Variants in NRCAM observed in about 807,000 individuals in gnomAD.
NRCAM encodes the protein neuronal cell adhesion molecule.
A neutral mutation model predicts 156.5 loss-of-function variants in NRCAM; 83 were observed. The ratio of observed to expected loss-of-function variants is 0.53; its 90% confidence interval spans 0.44 to 0.64. The LOEUF is 0.64. Among genes scored for constraint, NRCAM ranks in the 30% least tolerant of loss-of-function variants. The pLI is 0.00. For synonymous variants in NRCAM, 538 were observed against 563.9 expected (o/e 0.95, Z 0.65); for missense variants, 1,417 against 1,597.3 (o/e 0.89, Z 1.92).
At chr7:108,345,486 T>G (rs551835830) in intron 2 of NRCAM, among the ~76,000 whole-genome samples, 1 of 152,248 alleles carries the variant, frequency 6.6e-6, no homozygotes, top group African/African-American at 2.4e-5. Context: ...AATCTTGCTA[T>G]GAACTCTTTG....
chr7:108,446,262 T>A (rs1272288964), intron 1 of NRCAM, among the ~76,000 whole-genome samples: 1 of 152,212 alleles, frequency 6.6e-6, no homozygotes, highest in East Asian at 1.9e-4. Flanking sequence ...CTCAAGTGCC[T>A]AATTTAGAAC....
chr7:108,356,733 C>T (rs1021702128), intron 2 of NRCAM, among the ~76,000 whole-genome samples: 32 of 152,160 alleles, frequency 2.1e-4, no homozygotes, highest in African/African-American at 5.6e-4. Context: ...TAGAGGTTGA[C>T]GGTACCCAAG....
intron 2 of NRCAM, among the ~76,000 whole-genome samples, chr7:108,395,866 A>G (rs2099775371): frequency 6.6e-6 from 1 of 152,182 alleles, no homozygotes; most frequent in African/African-American, 2.4e-5. Context: ...GACCACCACC[A>G]AGTCAGGTAA....
At chr7:108,324,641 G>A (rs1352720590) in intron 2 of NRCAM, among the ~76,000 whole-genome samples, 2 of 152,168 alleles carry the variant, frequency 1.3e-5, no homozygotes, top group Admixed American at 1.3e-4. Flanking sequence ...TCCAGTCGGG[G>A]GCTGGGTGGT....
intron 1 of NRCAM, among the ~76,000 whole-genome samples, chr7:108,414,514 T>A (rs1799118911): frequency 6.6e-6 from 1 of 152,034 alleles, no homozygotes; most frequent in Non-Finnish European, 1.5e-5. Context: ...AAAAGAGGCA[T>A]AAAAGAAGTG....
At chr7:108,242,995 G>A (rs2095637382) in intron 3 of NRCAM, 1 of 152,068 alleles carries the variant, frequency 6.6e-6, no homozygotes, top group African/African-American at 2.4e-5. Flanking sequence ...TCAAATCACA[G>A]TGTTTTATAA....
chr7:108,455,846 C>G (rs1322503466), intron 1 of NRCAM, among the ~76,000 whole-genome samples: 1 of 152,164 alleles, frequency 6.6e-6, no homozygotes, highest in African/African-American at 2.4e-5. Flanking sequence ...GCCGCCGTGC[C>G]GGGCCCGCAG....
At chr7:108,350,853 CT>C (rs1266887980) in intron 2 of NRCAM, among the ~76,000 whole-genome samples, 3 of 152,034 alleles carry the variant, frequency 2.0e-5, no homozygotes, top group African/African-American at 7.3e-5. Flanking sequence ...CAGCATCTTT[CT>C]TTTCATGATC....
intron 3 of NRCAM, among the ~76,000 whole-genome samples, chr7:108,253,040 C>T (rs1344660831): frequency 6.6e-6 from 1 of 152,230 alleles, no homozygotes; most frequent in Non-Finnish European, 1.5e-5. Flanking sequence ...GAAGAGTTGT[C>T]ATTTTTACTT....
intron 32 of NRCAM, among the ~76,000 whole-genome samples, chr7:108,151,075 A>C (rs909159288): frequency 6.6e-6 from 1 of 152,146 alleles, no homozygotes; most frequent in South Asian, 2.1e-4. Flanking sequence ...CCATTATTAC[A>C]ATTTTTGCTT....
chr7:108,276,355 T>C (rs992199298), intron 3 of NRCAM, among the ~76,000 whole-genome samples: 1 of 152,206 alleles, frequency 6.6e-6, no homozygotes, highest in African/African-American at 2.4e-5. Flanking sequence ...CCATTATTAC[T>C]GTGTGGGAGT....
At chr7:108,401,897 C>T (rs150411744) in intron 1 of NRCAM, among the ~76,000 whole-genome samples, 41 of 152,328 alleles carry the variant, frequency 2.7e-4, no homozygotes, top group African/African-American at 9.1e-4. Flanking sequence ...AAACAGAAGC[C>T]TCCTGGAGTC....
chr7:108,220,127 T>C lies in NRCAM; in HGVS notation c.890+3598A>G, dbSNP rs574680343. Among the ~76,000 whole-genome samples the C allele has an allele frequency of 3.9e-3, 584 of 151,054 alleles. 4 individuals are homozygous for C. Among genetic ancestry groups the C allele is most frequent in the Non-Finnish European group, 6.2e-3 (420 of 67,758 alleles). On this transcript the variant is annotated intron_variant, in intron 11 of 32. Transcript: ENST00000379028. ...TAGCTGCCAAAAAAAAAAAAATCCT[T>C]AGGAATATACCTAACCAAGGAGGCA...
chr7:108,454,034 T>C (rs1853615113), intron 1 of NRCAM, among the ~76,000 whole-genome samples: 1 of 152,240 alleles, frequency 6.6e-6, no homozygotes, highest in African/African-American at 2.4e-5. Flanking sequence ...AACTTTATGA[T>C]GTGCCAGGAA....
At chr7:108,228,852 A>C (rs2093893892) in intron 8 of NRCAM, among the ~76,000 whole-genome samples, 1 of 152,204 alleles carries the variant, frequency 6.6e-6, no homozygotes, top group Admixed American at 6.5e-5. Context: ...AAATCTGTAA[A>C]AGACTAGATT....
At chr7:108,204,362 G>A (rs1003404670) in intron 13 of NRCAM, among the ~76,000 whole-genome samples, 1 of 152,228 alleles carries the variant, frequency 6.6e-6, no homozygotes, top group African/African-American at 2.4e-5. Flanking sequence ...AGCAGAAGCT[G>A]CAGATGGGCC....
chr7:108,296,848 C>T (rs2098463327), intron 3 of NRCAM, among the ~76,000 whole-genome samples: 1 of 152,074 alleles, frequency 6.6e-6, no homozygotes, highest in Admixed American at 6.6e-5. Flanking sequence ...AACGAGAATC[C>T]TTCTCCCCAA....
chr7:108,298,510 G>A (rs886166778), intron 3 of NRCAM, among the ~76,000 whole-genome samples: 42 of 151,916 alleles, frequency 2.8e-4, no homozygotes, highest in African/African-American at 9.7e-4. Flanking sequence ...AAAATTAGCC[G>A]GGTGTGGTGC....
chr7:108,433,634 G>C (rs985321557), intron 1 of NRCAM, among the ~76,000 whole-genome samples: 1 of 152,088 alleles, frequency 6.6e-6, no homozygotes, highest in Non-Finnish European at 1.5e-5. Context: ...TTGTTAAAAA[G>C]AGCCTGGTGC....
Sources: gnomAD v4.1 joint callset for allele counts (sites outside exome capture counted in the v4.1 genomes callset) on GRCh38, gnomAD v4.1.1 for gene constraint, MANE v1.5 for transcripts, NCBI Gene and HGNC (gene_info 2026-07-23, HGNC 2026-07-21) for gene names.